EPB42: variants seen among roughly 807,000 people sequenced by gnomAD.
EPB42 encodes the protein protein 4.2.
In EPB42, 49 loss-of-function variants were observed where a neutral mutation model predicts 76.9. The observed-to-expected ratio is 0.64, with a 90% CI of 0.51 to 0.81. The LOEUF (loss-of-function observed/expected upper bound fraction) is 0.81, where lower values mean the gene tolerates loss of function less well. Ranked by LOEUF, EPB42 falls within the 30% of genes least tolerant of loss-of-function variation. The pLI, the probability that EPB42 is intolerant of heterozygous loss-of-function variation, is 0.00. For synonymous variants in EPB42, 310 were observed against 338.4 expected (o/e 0.92, Z 0.92); for missense variants, 731 against 867.6 (o/e 0.84, Z 1.98).
In EPB42 at chr15:43,206,238, G is replaced by C; in HGVS notation, c.1618+92C>G. On this transcript the variant is annotated intron_variant, in intron 10 of 12. Transcript: ENST00000441366. The surrounding 1 kb of genome is among the most constrained non-coding windows in gnomAD (Gnocchi z 4.7). ...GGGCTCAAAGCCATCTCTAGAGACTGCAGGGGGTGCCCTGTGGCTGCTGCC... is the reference window on the plus strand; with the variant it reads ...GGGCTCAAAGCCATCTCTAGAGACTCCAGGGGGTGCCCTGTGGCTGCTGCC... The C allele has an allele frequency of 7.3e-7, 1 of 1,362,286 alleles. No individual in the cohort carries two copies. Among genetic ancestry groups the C allele is most frequent in the South Asian group, 1.4e-5 (1 of 70,670 alleles). 84.4% of individuals were successfully genotyped at this position (1,362,286 alleles called of 1,614,324 possible).
chr15:43,203,015 T>C, intron 11 of EPB42, 100 bp downstream of exon 11: 4 of 1,438,670 alleles, frequency 2.8e-6, no homozygotes, highest in South Asian at 1.1e-5. Flanking sequence ...CTGGTAATCT[T>C]GCAGCACAGT....
chr15:43,224,808 G>A (rs574531), upstream of EPB42, among the ~76,000 whole-genome samples: 79,988 of 152,198 alleles, frequency 0.53, 25,547 homozygotes, highest in Non-Finnish European at 0.68. Flanking sequence ...ACAGGGTCTT[G>A]CTCTGTCACC....
intron 10 of EPB42, among the ~76,000 whole-genome samples, chr15:43,205,521 TC>T (rs1188942472): frequency 6.6e-6 from 1 of 152,152 alleles, no homozygotes; most frequent in Admixed American, 6.6e-5. Context: ...TGCCTCAGTC[TC>T]CCCAGTAGCT....
chr15:43,205,274 T>C (rs537272857), intron 10 of EPB42, among the ~76,000 whole-genome samples: 1 of 152,174 alleles, frequency 6.6e-6, no homozygotes, highest in Non-Finnish European at 1.5e-5. Context: ...AGACTGGAGG[T>C]GAGGTGACCG....
Position 43,208,636 on chromosome 15 carries a change from C to G in EPB42, c.971+1G>C. On this transcript the variant is annotated splice_donor_variant, in intron 7 of 12. Coordinates refer to ENST00000441366, the MANE Select transcript of EPB42 (RefSeq NM_001114134.2). LOFTEE classifies it high-confidence loss of function. ...AACCTCATCTCCCTTGGGCTTCTCA[C>G]CAGATTCTGCCTCTCTGGCCTTCTC... The G allele has an allele frequency of 1.2e-6, 2 of 1,614,098 alleles. No homozygotes were observed.
intron 11 of EPB42, 108 bp downstream of exon 11, chr15:43,203,007 G>A: frequency 2.2e-6 from 3 of 1,366,600 alleles, no homozygotes; most frequent in Non-Finnish European, 2.1e-6. Flanking sequence ...AGCATTTTCT[G>A]GTAATCTTGC....
upstream of EPB42, among the ~76,000 whole-genome samples, chr15:43,224,705 T>C (rs534832092): frequency 5.3e-4 from 81 of 152,328 alleles, no homozygotes; most frequent in African/African-American, 1.9e-3. Context: ...TTCAATAAAA[T>C]ACATAAAGGT....
rs1173918420 is a variant in EPB42 at position 43,210,339 on chromosome 15, G to A, written c.650C>T (p.Ala217Val). ...QPVHVARVLG[A>V]LLHFLKEQRV... is the part of the protein sequence containing the mutation. ...GTTCCCCAGCCTCTCGCTTACCAAGGCACCCAACACACGGGCCACGTGCAC... is the reference window on the plus strand; with the variant it reads ...GTTCCCCAGCCTCTCGCTTACCAAGACACCCAACACACGGGCCACGTGCAC... Residue 217 changes from alanine to valine, a missense_variant, in exon 5 of 13, where the codon GCC becomes GTC. Transcript: ENST00000441366. 2.5e-6 allele frequency: 4 copies of A among 1,613,234 alleles called. No individual in the cohort carries two copies. The South Asian group carries it at 3.3e-5, about 13-fold the overall frequency.
chr15:43,201,987 G>T lies in EPB42; in HGVS notation c.1780-10C>A. ...CTGCTTTCTCTGGCATCTGTGGGAA[G>T]AGGCAATACCTGGTGTGGATGCCAA... On this transcript the variant is annotated splice_polypyrimidine_tract_variant and intron_variant, in intron 11 of 12. Coordinates refer to ENST00000441366, the MANE Select transcript of EPB42 (RefSeq NM_001114134.2). 6.2e-7 allele frequency: 1 copy of T among 1,613,942 alleles called. No individual in the cohort carries two copies. Among genetic ancestry groups the T allele is most frequent in the Non-Finnish European group, 8.5e-7 (1 of 1,180,004 alleles).
At position 43,211,519 on chromosome 15, in the gene EPB42, A is replaced by T. The variant is rs775709861; in HGVS notation, c.446T>A (p.Leu149Gln). The change falls in exon 4 of 13, where the codon CTG becomes CAG. Residue 149 changes from leucine (L) to glutamine (Q), a missense_variant. Leu to Gln is a moderately radical substitution (Grantham distance 113, BLOSUM62 -2). Transcript: ENST00000441366. ...NPWNREDAVF[L>Q]KNEAQRMEYL... ...CTCCATGCGCTGAGCCTCATTCTTC[A>T]GGAACACAGCATCCTCTGGTGAGAG... 4 of 1,613,168 alleles carry T rather than the reference A, an allele frequency of 2.5e-6. No homozygotes were observed. The Admixed American group carries it at 6.7e-5, about 27-fold the overall frequency.
At chr15:43,214,370 TGACCCCAGG>T (rs777681154) in intron 3 of EPB42, among the ~76,000 whole-genome samples, 4 of 152,160 alleles carry the variant, frequency 2.6e-5, no homozygotes, top group Non-Finnish European at 5.9e-5. Flanking sequence ...GCAGGTCACC[TGACCCCAGG>T]GAAGCCGCTC....
Position 43,220,891 on chromosome 15 carries a change from G to C in EPB42, c.-66C>G. ...CGCCTCTCTCAAACTGTTGCTTCTG[G>C]GCTCCTTCTGGGCTTTCTGTCTTCC... On this transcript the variant is annotated 5_prime_UTR_variant, in exon 1 of 13. Coordinates refer to ENST00000441366, the MANE Select transcript of EPB42 (RefSeq NM_001114134.2). 1.4e-6 allele frequency: 2 copies of C among 1,440,300 alleles called. No homozygotes were observed. Among genetic ancestry groups the C allele is most frequent in the South Asian group, 1.1e-5 (1 of 87,826 alleles). The allele number at this position is 1,440,300 out of a possible 1,614,324, so 89.2% of individuals were successfully genotyped here.
chr15:43,208,214 C>T lies in EPB42; in HGVS notation c.1075+16G>A. The T allele has an allele frequency of 6.2e-7, 1 of 1,611,926 alleles. No individual in the cohort carries two copies. Among genetic ancestry groups the T allele is most frequent in the Non-Finnish European group, 8.5e-7 (1 of 1,178,648 alleles). ...GTGCAGCCCTGCGTGGTCCTGGACCCACCCCTAGGCTTTACCTCCACCTCC... is the reference window on the plus strand; with the variant it reads ...GTGCAGCCCTGCGTGGTCCTGGACCTACCCCTAGGCTTTACCTCCACCTCC... On this transcript the variant is annotated intron_variant, in intron 8 of 12. Coordinates refer to ENST00000441366, the MANE Select transcript of EPB42 (RefSeq NM_001114134.2).
At position 43,203,256 on chromosome 15, in the gene EPB42, G is replaced by T. The variant is rs767501910; in HGVS notation, c.1638C>A (p.Gly546=). The change falls in exon 11 of 13, where the codon GGC becomes GGA. Residue 546 remains glycine (G), a synonymous_variant. Coordinates refer to ENST00000441366, the MANE Select transcript of EPB42 (RefSeq NM_001114134.2). ...TTCGCTCAAAATTGGAGAAGAACAG[G>T]CCGATGGTTATTATCTTTTCTGAAA... ...SANLEKIITI[G]LFFSNFERNP... 6.2e-7 allele frequency: 1 copy of T among 1,614,144 alleles called. No homozygotes were observed. Among genetic ancestry groups the T allele is most frequent in the Non-Finnish European group, 8.5e-7 (1 of 1,180,046 alleles).
At chr15:43,201,463 A>G (rs2042123841) in intron 12 of EPB42, among the ~76,000 whole-genome samples, 1 of 152,244 alleles carries the variant, frequency 6.6e-6, no homozygotes, top group Admixed American at 6.5e-5. Context: ...AAAATTGTAT[A>G]TTGTGGTGGT....
intron 12 of EPB42, among the ~76,000 whole-genome samples, chr15:43,197,857 G>A (rs2042066761): frequency 6.6e-6 from 1 of 152,186 alleles, no homozygotes; most frequent in Non-Finnish European, 1.5e-5. Context: ...GGGACCCAGG[G>A]GGAGGTAATT....
intron 6 of EPB42, 84 bp from the exon 7 acceptor site, chr15:43,208,859 C>T: frequency 1.4e-6 from 2 of 1,472,608 alleles, no homozygotes; most frequent in Non-Finnish European, 1.8e-6. Flanking sequence ...TCAGTGTCTC[C>T]TCTGGGCACT....
At chr15:43,218,527 T>C (rs2042411356) in intron 1 of EPB42, among the ~76,000 whole-genome samples, 1 of 152,182 alleles carries the variant, frequency 6.6e-6, no homozygotes, top group African/African-American at 2.4e-5. Flanking sequence ...TTGATACCCA[T>C]CACCTGCTTA....
In EPB42 at chr15:43,211,473, A is replaced by T; in HGVS notation, c.492T>A (p.Gly164=). Residue 164 remains glycine, a synonymous_variant, in exon 4 of 13, where the codon GGT becomes GGA. Transcript: ENST00000441366. ...AGTCAGCTGTACCCAGGTAGATGAGACCATTCTGGTTCAACAAGTACTCCA... is the reference window on the plus strand; with the variant it reads ...AGTCAGCTGTACCCAGGTAGATGAGTCCATTCTGGTTCAACAAGTACTCCA... ...QRMEYLLNQN[G]LIYLGTADCI... is the part of the protein sequence containing the mutation. 6.2e-7 allele frequency: 1 copy of T among 1,614,122 alleles called. No homozygotes were observed. The highest frequency in any genetic ancestry group is 8.5e-7 in the Non-Finnish European group (1 of 1,179,984).
Sources: gnomAD v4.1 joint callset for allele counts (sites outside exome capture counted in the v4.1 genomes callset) on GRCh38, gnomAD v4.1.1 for gene constraint, Gnocchi (gnomAD v3.1) non-coding constraint, MANE v1.5 for transcripts, NCBI Gene and HGNC (gene_info 2026-07-23, HGNC 2026-07-21) for gene names.